GRID2: variants seen among roughly 807,000 people sequenced by gnomAD.
GRID2 encodes glutamate receptor ionotropic, delta-2.
A neutral mutation model predicts 114.8 loss-of-function variants in GRID2; 33 were observed. The observed-to-expected ratio is 0.29, with a 90% CI of 0.22 to 0.38. The LOEUF (loss-of-function observed/expected upper bound fraction) is 0.38. Ranked by LOEUF, GRID2 falls within the 10% of genes least tolerant of loss-of-function variation. The pLI is 1.00. For synonymous variants in GRID2, 505 were observed against 449.9 expected, an observed-to-expected ratio of 1.12 and a Z score of -1.55; for missense variants, 1,184 against 1,257.7, an observed-to-expected ratio of 0.94 and a Z score of 0.89.
At chr4:92,669,359 G>T (rs1023816350) in intron 2 of GRID2, among the ~76,000 whole-genome samples, 2 of 151,822 alleles carry the variant, frequency 1.3e-5, no homozygotes, top group African/African-American at 4.8e-5. Flanking sequence ...CAACTGGAAA[G>T]CTTTGTATAT....
At chr4:93,566,074 A>T (rs797019451) in intron 13 of GRID2, among the ~76,000 whole-genome samples, 1 of 152,110 alleles carries the variant, frequency 6.6e-6, no homozygotes, top group Non-Finnish European at 1.5e-5. Context: ...TTTTTCTAAG[A>T]CGTCAATGTC....
intron 10 of GRID2, among the ~76,000 whole-genome samples, chr4:93,445,263 G>A (rs1721992607): frequency 6.6e-6 from 1 of 152,002 alleles, no homozygotes; most frequent in Admixed American, 6.6e-5. Flanking sequence ...AGTAAAATAA[G>A]TTTGGTTCTT....
chr4:93,660,144 G>A (rs925368824), intron 14 of GRID2, among the ~76,000 whole-genome samples: 4 of 151,878 alleles, frequency 2.6e-5, no homozygotes, highest in Non-Finnish European at 4.4e-5. Context: ...AAGAATATCC[G>A]CATGTGAAAA....
intron 1 of GRID2, among the ~76,000 whole-genome samples, chr4:92,403,733 T>G (rs1730902306): frequency 6.8e-6 from 1 of 146,478 alleles, no homozygotes; most frequent in South Asian, 2.1e-4. Context: ...AATAAATAAA[T>G]AAATAAATAA....
At chr4:93,634,047 G>C (rs1372823765) in intron 14 of GRID2, among the ~76,000 whole-genome samples, 3 of 152,144 alleles carry the variant, frequency 2.0e-5, no homozygotes, top group Non-Finnish European at 4.4e-5. Context: ...CTTCCCTTTA[G>C]AGATGCAAAA....
intron 1 of GRID2, among the ~76,000 whole-genome samples, chr4:92,585,824 A>T (rs1019429456): frequency 1.3e-5 from 2 of 151,948 alleles, no homozygotes; most frequent in South Asian, 4.1e-4. Context: ...TAGTATGATT[A>T]TTAATTACCT....
intron 2 of GRID2, among the ~76,000 whole-genome samples, chr4:92,964,590 A>G (rs907195226): frequency 1.3e-5 from 2 of 152,016 alleles, no homozygotes; most frequent in Non-Finnish European, 1.5e-5. Flanking sequence ...CCCCTTTGTC[A>G]ATGCTTTCAG....
intron 14 of GRID2, among the ~76,000 whole-genome samples, chr4:93,665,879 C>G (rs532703556): frequency 1.4e-4 from 21 of 152,244 alleles, no homozygotes; most frequent in African/African-American, 5.1e-4. Flanking sequence ...CTTTCCCTCA[C>G]CCATATGAAA....
intron 2 of GRID2, among the ~76,000 whole-genome samples, chr4:93,009,739 C>A (rs1305265574): frequency 6.6e-6 from 1 of 152,008 alleles, no homozygotes; most frequent in Non-Finnish European, 1.5e-5. Context: ...TTCTCTGATT[C>A]TATTTCCAAG....
At chr4:93,332,524 TTAA>T (rs1758609986) in intron 8 of GRID2, among the ~76,000 whole-genome samples, 1 of 152,082 alleles carries the variant, frequency 6.6e-6, no homozygotes, top group Admixed American at 6.6e-5. Context: ...TTTGCTAGGA[TTAA>T]TAATATTAAA....
chr4:93,080,581 C>G (rs1406586878), intron 2 of GRID2, among the ~76,000 whole-genome samples: 1 of 152,092 alleles, frequency 6.6e-6, no homozygotes, highest in African/African-American at 2.4e-5. Context: ...TCATCTCTCT[C>G]TCTATTTTTA....
intron 14 of GRID2, among the ~76,000 whole-genome samples, chr4:93,725,718 T>C (rs1729810600): frequency 6.6e-6 from 1 of 151,930 alleles, no homozygotes; most frequent in South Asian, 2.1e-4. Context: ...TTGATTTGCA[T>C]TTCTCTGATG....
At position 92,642,024 on chromosome 4, in the gene GRID2, A is replaced by G. The variant is rs1050531699; in HGVS notation, c.244+51738A>G. Among the ~76,000 whole-genome samples, 3 of 150,898 alleles carry G rather than the reference A, an allele frequency of 2.0e-5. 1 individual carries two copies. Among genetic ancestry groups the G allele is most frequent in the Non-Finnish European group, 3.0e-5 (2 of 67,638 alleles). ...ATATGTACCACATTTTCTTTATCCAATCTACCATTGATAGGCGCCTAGGTT... is the reference window on the plus strand; with the variant it reads ...ATATGTACCACATTTTCTTTATCCAGTCTACCATTGATAGGCGCCTAGGTT... On this transcript the variant is annotated intron_variant, in intron 2 of 15. Transcript: ENST00000282020.
intron 13 of GRID2, among the ~76,000 whole-genome samples, chr4:93,547,592 T>C (rs1733346713): frequency 6.6e-6 from 1 of 152,170 alleles, no homozygotes. Context: ...AATTATTATC[T>C]CTAAGTTACA....
chr4:93,054,103 T>C, intron 2 of GRID2, among the ~76,000 whole-genome samples: 1 of 151,948 alleles, frequency 6.6e-6, no homozygotes, highest in East Asian at 1.9e-4. Flanking sequence ...AATAAATTTT[T>C]ATTAATGGCC....
At chr4:93,054,414 G>A (rs949090262) in intron 2 of GRID2, among the ~76,000 whole-genome samples, 3 of 151,624 alleles carry the variant, frequency 2.0e-5, no homozygotes, top group African/African-American at 4.8e-5. Flanking sequence ...TATTTTGCCA[G>A]TCTTTCTCTG....
At chr4:93,784,826 A>T (rs113854055) in intron 1 of GRID2, among the ~76,000 whole-genome samples, 126 of 152,316 alleles carry the variant, frequency 8.3e-4, no homozygotes, top group African/African-American at 2.9e-3. Context: ...AAGGGAGAGA[A>T]GATGCTCTTC....
At chr4:92,308,282 A>G (rs1284233814) in intron 1 of GRID2, among the ~76,000 whole-genome samples, 2 of 152,308 alleles carry the variant, frequency 1.3e-5, no homozygotes, top group African/African-American at 4.8e-5. Context: ...TCCTTTCTTT[A>G]TCTGGTTCCT....
In GRID2 at chr4:92,734,203, A is replaced by C. The variant is rs534813792; in HGVS notation, c.244+143917A>C. ...TTACACTTAAAAATAAATGAACTGA[A>C]TTTAAATTACTTAACTTTCTTAAGA... is the stretch of plus-strand genomic sequence containing the variant. On this transcript the variant is annotated intron_variant, in intron 2 of 15. Coordinates refer to ENST00000282020, the MANE Select transcript of GRID2 (RefSeq NM_001510.4). Among the ~76,000 whole-genome samples, 26 of 152,296 alleles carry C rather than the reference A, an allele frequency of 1.7e-4. No individual in the cohort carries two copies. In the South Asian group the frequency reaches 5.0e-3, roughly 29 times the overall value.
Sources: allele counts gnomAD v4.1 joint callset (sites outside exome capture counted in the v4.1 genomes callset), GRCh38; gene constraint gnomAD v4.1.1; transcripts MANE v1.5; gene names NCBI Gene and HGNC (gene_info 2026-07-23, HGNC 2026-07-21).